SLIT3: variants seen among roughly 807,000 people sequenced by gnomAD.
The protein encoded by SLIT3 is slit homolog 3 protein.
SLIT3 carries 68 observed loss-of-function variants against 184.0 expected under a neutral mutation model. The observed-to-expected ratio is 0.37, with a 90% CI of 0.30 to 0.45. SLIT3 has a LOEUF of 0.45. Among genes scored for constraint, SLIT3 ranks in the 20% least tolerant of loss-of-function variants. The pLI is 1.00. For synonymous variants in SLIT3, 831 were observed against 828.6 expected (o/e 1.00, Z -0.05); for missense variants, 1,707 against 2,026.0 (o/e 0.84, Z 3.02).
intron 4 of SLIT3, among the ~76,000 whole-genome samples, chr5:169,067,922 A>C (rs1250041349): frequency 6.6e-6 from 1 of 152,246 alleles, no homozygotes; most frequent in African/African-American, 2.4e-5. Context: ...ACTTGAGGAA[A>C]ATTATTTAGT....
chr5:169,251,528 G>A (rs1459567483), intron 1 of SLIT3, 69 bp from the exon 2 acceptor site: 6 of 1,050,190 alleles, frequency 5.7e-6, no homozygotes, highest in Non-Finnish European at 7.5e-6. Flanking sequence ...ATCCAGACTG[G>A]CTTGGACTGA....
intron 4 of SLIT3, among the ~76,000 whole-genome samples, chr5:168,912,635 G>T (rs1365621319): frequency 1.3e-5 from 2 of 152,142 alleles, no homozygotes; most frequent in East Asian, 1.9e-4. Flanking sequence ...CAAAGTTTGG[G>T]TGTATATTAC....
At chr5:168,713,687 TTGCC>T (rs1762631840) in intron 23 of SLIT3, among the ~76,000 whole-genome samples, 1 of 152,246 alleles carries the variant, frequency 6.6e-6, no homozygotes, top group Non-Finnish European at 1.5e-5. Context: ...TGAAGTTAGC[TTGCC>T]CTTGGTCTTC....
chr5:169,134,488 T>C (rs1287020548), intron 4 of SLIT3, among the ~76,000 whole-genome samples: 1 of 152,208 alleles, frequency 6.6e-6, no homozygotes, highest in Non-Finnish European at 1.5e-5. Context: ...AGCTGCCTCA[T>C]TCTTTTCCAT....
chr5:169,176,990 A>G (rs1382259929), intron 4 of SLIT3, among the ~76,000 whole-genome samples: 1 of 152,254 alleles, frequency 6.6e-6, no homozygotes, highest in African/African-American at 2.4e-5. Flanking sequence ...GTTTAGATTT[A>G]TAGGCATGAC....
chr5:169,244,761 G>A lies in SLIT3; in HGVS notation c.285C>T (p.Asn95=). The A allele has an allele frequency of 6.2e-7, 1 of 1,613,822 alleles. No homozygotes were observed. The highest frequency in any genetic ancestry group is 8.5e-7 in the Non-Finnish European group (1 of 1,179,978). The stretch of plus-strand genomic sequence containing the variant: ...CGCCTCTCTCGATGACGCTGACCTG[G>A]TTGTCTTCCAGATGCCTACAACCAC... The part of the protein sequence containing the change: ...KNLRVLHLED[N]QVSVIERGAF... The change falls in exon 3 of 36, where the codon AAC becomes AAT. Residue 95 remains asparagine, a synonymous_variant. Transcript: ENST00000519560.
At chr5:168,668,547 A>C (rs1761128325) in intron 35 of SLIT3, among the ~76,000 whole-genome samples, 1 of 152,244 alleles carries the variant, frequency 6.6e-6, no homozygotes, top group Non-Finnish European at 1.5e-5. Context: ...ATCTTTAAAA[A>C]GTCCATGCTT....
At chr5:168,826,763 G>A (rs188756364) in intron 6 of SLIT3, among the ~76,000 whole-genome samples, 20 of 152,118 alleles carry the variant, frequency 1.3e-4, no homozygotes, top group Admixed American at 5.2e-4. Flanking sequence ...GCATTGTACC[G>A]TTTCTTTTCT....
intron 4 of SLIT3, among the ~76,000 whole-genome samples, chr5:169,184,977 T>C (rs1763286155): frequency 6.6e-6 from 1 of 152,212 alleles, no homozygotes; most frequent in African/African-American, 2.4e-5. Context: ...GTTGGCTTTG[T>C]TATCAACTCT....
intron 4 of SLIT3, among the ~76,000 whole-genome samples, chr5:168,905,132 A>C (rs922008277): frequency 1.3e-4 from 20 of 152,132 alleles, no homozygotes; most frequent in African/African-American, 4.8e-4. Flanking sequence ...AGCTGAGATC[A>C]TGCCACTGCA....
chr5:169,116,416 G>A (rs932751147), intron 4 of SLIT3, among the ~76,000 whole-genome samples: 2 of 152,130 alleles, frequency 1.3e-5, no homozygotes, highest in African/African-American at 4.8e-5. Flanking sequence ...ATTGGCAATA[G>A]GGAGCCTTTA....
chr5:168,702,611 G>A (rs1043402946), intron 26 of SLIT3, among the ~76,000 whole-genome samples: 4 of 151,996 alleles, frequency 2.6e-5, no homozygotes, highest in African/African-American at 9.7e-5. Context: ...TACCCTATGG[G>A]GAATTAGTTA....
At chr5:168,759,530 A>G (rs146927053) in intron 16 of SLIT3, among the ~76,000 whole-genome samples, 51 of 152,332 alleles carry the variant, frequency 3.3e-4, no homozygotes, top group African/African-American at 1.2e-3. Context: ...AAACAGCAAA[A>G]TCACCAACAA....
intron 4 of SLIT3, among the ~76,000 whole-genome samples, chr5:169,183,436 C>A (rs182331627): frequency 6.6e-6 from 1 of 152,090 alleles, no homozygotes; most frequent in South Asian, 2.1e-4. Context: ...CACATACAAC[C>A]CTTTCTCCCT....
At chr5:168,680,292 G>A (rs946694960) in intron 32 of SLIT3, among the ~76,000 whole-genome samples, 2 of 152,280 alleles carry the variant, frequency 1.3e-5, no homozygotes, top group African/African-American at 4.8e-5. Flanking sequence ...CCATTCTGGG[G>A]CAAGGAGGGG....
chr5:169,238,678 G>A (rs547674156), intron 3 of SLIT3, among the ~76,000 whole-genome samples: 1 of 151,466 alleles, frequency 6.6e-6, no homozygotes, highest in South Asian at 2.1e-4. Flanking sequence ...TTCTCAAGGA[G>A]TTCTCTTTTT....
chr5:168,889,618 C>T (rs1016864110), intron 4 of SLIT3, among the ~76,000 whole-genome samples: 8 of 152,208 alleles, frequency 5.3e-5, no homozygotes, highest in African/African-American at 1.9e-4. Flanking sequence ...AAAGTCCTGG[C>T]CATGCCATTC....
At chr5:169,275,952 T>G (rs1307440380) in intron 1 of SLIT3, among the ~76,000 whole-genome samples, 2 of 152,046 alleles carry the variant, frequency 1.3e-5, no homozygotes, top group African/African-American at 4.8e-5. Flanking sequence ...TGGTCCCTCT[T>G]GCCAGTGATA....
chr5:169,042,620 C>G (rs982052261), intron 4 of SLIT3, among the ~76,000 whole-genome samples: 2 of 152,114 alleles, frequency 1.3e-5, no homozygotes, highest in African/African-American at 4.8e-5. Flanking sequence ...TGAAATCAGC[C>G]CTGTTCTCCC....
Sources: allele counts gnomAD v4.1 joint callset (sites outside exome capture counted in the v4.1 genomes callset), GRCh38; gene constraint gnomAD v4.1.1; transcripts MANE v1.5; gene names NCBI Gene and HGNC (gene_info 2026-07-23, HGNC 2026-07-21).